SHANK2: variants seen among roughly 807,000 people sequenced by gnomAD.
SHANK2 encodes SH3 and multiple ankyrin repeat domains 2.
Under a neutral mutation model 133.7 loss-of-function variants are expected in SHANK2, and 43 were observed. The observed-to-expected ratio is 0.32, with a 90% CI of 0.25 to 0.41. The LOEUF is 0.41. Ranked by LOEUF, SHANK2 falls within the 10% of genes least tolerant of loss-of-function variation. The probability of loss-of-function intolerance (pLI) is 1.00; values close to 1 mark genes in which losing one functional copy is unlikely to be tolerated. For missense variants in SHANK2, 1,994 were observed against 2,235.8 expected (o/e 0.89, Z 2.18); for synonymous variants, 1,017 against 952.8 (o/e 1.07, Z -1.24).
At chr11:70,490,670 A>G (rs2058873722) in intron 22 of SHANK2, among the ~76,000 whole-genome samples, 1 of 152,118 alleles carries the variant, frequency 6.6e-6, no homozygotes, top group African/African-American at 2.4e-5. Flanking sequence ...CTGCAACACC[A>G]TTTGCCAGAG....
intron 1 of SHANK2, chr11:71,226,497 T>C (rs112466533): frequency 1.3e-5 from 2 of 152,206 alleles, no homozygotes; most frequent in African/African-American, 4.8e-5. Flanking sequence ...CACACCAATA[T>C]ACATCAGAAT....
At chr11:70,609,834 A>ATAATATATCTATATTGT (rs2060635881) in intron 17 of SHANK2, among the ~76,000 whole-genome samples, 1 of 1,486 alleles carries the variant, frequency 6.7e-4, no homozygotes, top group African/African-American at 1.4e-3. Context: ...CATAATATAC[A>ATAATATATCTATATTGT]ATATGGAATA....
At chr11:70,599,913 A>AAGAAAGAAAGAAAGAT (rs1565166402) in intron 17 of SHANK2, among the ~76,000 whole-genome samples, 4 of 71,820 alleles carry the variant, frequency 5.6e-5, no homozygotes, top group African/African-American at 2.7e-4. Flanking sequence ...AAGAGAAAGA[A>AAGAAAGAAAGAAAGAT]AGAAAGAAAG....
rs1307441558 is a variant in SHANK2 at position 70,500,264 on chromosome 11, A to AC, written c.2308+305dup. Among the ~76,000 whole-genome samples the AC allele has an allele frequency of 1.3e-5, 2 of 151,638 alleles. No individual in the cohort carries two copies. The highest frequency in any genetic ancestry group is 1.9e-4 in the East Asian group (1 of 5,144). On this transcript the variant is annotated intron_variant, in intron 21 of 25. Transcript: ENST00000601538. This position sits in a 1 kb window ranked among gnomAD's most constrained non-coding sequence, Gnocchi z 4.5. Reference sequence around the variant, plus strand: ...CAGCCAGAGGCTCTGCTCATCTGCAACCCCCCATCCAGGCAGCCCCAGCTG... The same window carrying AC: ...CAGCCAGAGGCTCTGCTCATCTGCAACCCCCCCATCCAGGCAGCCCCAGCTG...
intron 12 of SHANK2, among the ~76,000 whole-genome samples, chr11:70,812,594 A>T (rs139025706): frequency 6.6e-6 from 1 of 152,150 alleles, no homozygotes. Flanking sequence ...TATCCTTGTG[A>T]TGTCTCATTT....
chr11:70,887,157 C>T (rs1374584830), intron 11 of SHANK2, among the ~76,000 whole-genome samples: 9 of 152,348 alleles, frequency 5.9e-5, no homozygotes, highest in African/African-American at 1.9e-4. Flanking sequence ...GGCACCCGGA[C>T]AGTCTTGCTA....
intron 10 of SHANK2, chr11:70,943,880 C>T (rs544365256): frequency 1.1e-4 from 50 of 456,166 alleles, no homozygotes; most frequent in Non-Finnish European, 2.2e-4. Context: ...GTGCTTGCTG[C>T]CTATTTGTAA....
chr11:71,251,303 G>A (rs1948174317), intron 1 of SHANK2, among the ~76,000 whole-genome samples: 1 of 152,204 alleles, frequency 6.6e-6, no homozygotes, highest in Non-Finnish European at 1.5e-5. Context: ...CCCGCCTGGA[G>A]GGCGCCGCGC....
intron 10 of SHANK2, among the ~76,000 whole-genome samples, chr11:70,941,318 T>C (rs1950644007): frequency 1.3e-5 from 2 of 152,210 alleles, no homozygotes; most frequent in South Asian, 2.1e-4. Context: ...AGACACACGA[T>C]GCCTCCCAGA....
chr11:70,533,515 G>A (rs1186391856), intron 17 of SHANK2, among the ~76,000 whole-genome samples: 1 of 152,100 alleles, frequency 6.6e-6, no homozygotes, highest in Non-Finnish European at 1.5e-5. Flanking sequence ...ACAACCCGGG[G>A]GCCCATGTCA....
At chr11:70,541,842 CG>C (rs1353315043) in intron 17 of SHANK2, among the ~76,000 whole-genome samples, 1 of 152,230 alleles carries the variant, frequency 6.6e-6, no homozygotes, top group Non-Finnish European at 1.5e-5. Flanking sequence ...CCACCAATGC[CG>C]GGGCTGACCC....
At chr11:70,748,969 A>G (rs149700777) in intron 14 of SHANK2, among the ~76,000 whole-genome samples, 51 of 150,656 alleles carry the variant, frequency 3.4e-4, no homozygotes, top group African/African-American at 1.2e-3. Context: ...ACTACACAAC[A>G]GAAACAATAA....
At chr11:70,842,604 C>T (rs111486753) in intron 11 of SHANK2, among the ~76,000 whole-genome samples, 2 of 152,214 alleles carry the variant, frequency 1.3e-5, no homozygotes, top group Non-Finnish European at 2.9e-5. Context: ...TGAGCTCCTG[C>T]CCTGGAGCGA....
At chr11:70,763,105 T>A (rs1591822883) in intron 14 of SHANK2, among the ~76,000 whole-genome samples, 1 of 152,358 alleles carries the variant, frequency 6.6e-6, no homozygotes, top group East Asian at 1.9e-4. Flanking sequence ...ACTCATTGGC[T>A]GTGCGACCTG....
chr11:70,939,735 C>T (rs1356370728), intron 10 of SHANK2, among the ~76,000 whole-genome samples: 1 of 152,138 alleles, frequency 6.6e-6, no homozygotes, highest in African/African-American at 2.4e-5. Context: ...CAGCCCTCCC[C>T]GCTGCGTGGC....
At chr11:71,152,010 G>C (rs1402613087) in intron 2 of SHANK2, among the ~76,000 whole-genome samples, 7 of 152,164 alleles carry the variant, frequency 4.6e-5, no homozygotes, top group African/African-American at 1.7e-4. Context: ...GGCCACAGCT[G>C]GTAGGTAGGA....
intron 8 of SHANK2, among the ~76,000 whole-genome samples, chr11:71,088,109 CCAAT>C (rs1348169380): frequency 6.6e-6 from 1 of 152,104 alleles, no homozygotes. Context: ...TGGGCCCCAT[CCAAT>C]CAGTTGGAGG....
At chr11:71,091,926 T>A (rs1951525786) in intron 8 of SHANK2, among the ~76,000 whole-genome samples, 1 of 152,208 alleles carries the variant, frequency 6.6e-6, no homozygotes, top group African/African-American at 2.4e-5. Flanking sequence ...TGAAATCTGT[T>A]TCTTGCCAAG....
At chr11:70,622,827 G>T (rs1038572858) in intron 17 of SHANK2, among the ~76,000 whole-genome samples, 1 of 152,106 alleles carries the variant, frequency 6.6e-6, no homozygotes, top group Non-Finnish European at 1.5e-5. Context: ...CAACACACAC[G>T]CGCAAGCACC....
Sources: gnomAD v4.1 joint callset for allele counts (sites outside exome capture counted in the v4.1 genomes callset) on GRCh38, gnomAD v4.1.1 for gene constraint, Gnocchi (gnomAD v3.1) non-coding constraint, MANE v1.5 for transcripts, NCBI Gene and HGNC (gene_info 2026-07-23, HGNC 2026-07-21) for gene names.